The following ANKRD45 variants were observed in gnomAD, a reference collection of about 807,000 sequenced individuals.
ANKRD45 encodes the protein ankyrin repeat domain 45, also known as ankyrin repeat domain-containing protein 45.
Under a neutral mutation model 28.1 loss-of-function variants are expected in ANKRD45, and 21 were observed. The observed-to-expected ratio is 0.75, with a 90% CI of 0.53 to 1.08. The LOEUF (loss-of-function observed/expected upper bound fraction) is 1.08, where lower values mean the gene tolerates loss of function less well. Ranked by LOEUF, ANKRD45 falls within the 50% of genes least tolerant of loss-of-function variation. The pLI, the probability that ANKRD45 is intolerant of heterozygous loss-of-function variation, is 0.00. For synonymous variants in ANKRD45, 86 were observed against 103.9 expected, an observed-to-expected ratio of 0.83 and a Z score of 1.05; for missense variants, 261 against 308.7, an observed-to-expected ratio of 0.85 and a Z score of 1.16.
At chr1:173,691,744 G>A in the ANKRD45 span, among the ~76,000 whole-genome samples, 594 of 152,260 alleles carry the variant, frequency 3.9e-3, 5 homozygotes, top group African/African-American at 0.013. Context: ...CTGAGATCAC[G>A]CCACTGCACT....
intron 2 of ANKRD45, among the ~76,000 whole-genome samples, chr1:173,655,505 C>A (rs1415409633): frequency 6.6e-6 from 1 of 152,158 alleles, no homozygotes; most frequent in Non-Finnish European, 1.5e-5. Flanking sequence ...CAGAGGGGCA[C>A]CCACCTGTAT....
chr1:173,629,904 TA>T (rs1668111783), intron 3 of ANKRD45, among the ~76,000 whole-genome samples: 1 of 152,240 alleles, frequency 6.6e-6, no homozygotes, highest in Admixed American at 6.5e-5. Context: ...ATAAAGATCC[TA>T]AAAGCAGCAA....
At chr1:173,705,016 G>A in the ANKRD45 span, among the ~76,000 whole-genome samples, 3 of 152,204 alleles carry the variant, frequency 2.0e-5, no homozygotes, top group African/African-American at 7.2e-5. Flanking sequence ...TCCCAGCATT[G>A]ACCAGTGATT....
intron 2 of ANKRD45, 105 bp downstream of exon 2, chr1:173,658,984 ATG>A: frequency 6.9e-7 from 1 of 1,441,822 alleles, no homozygotes; most frequent in Non-Finnish European, 9.2e-7. Flanking sequence ...ATACACATAT[ATG>A]TAAAGTATAA....
chr1:173,636,761 C>T, intron 3 of ANKRD45: 1 of 1,093,516 alleles, frequency 9.1e-7, no homozygotes, highest in Non-Finnish European at 1.3e-6. Context: ...ATATTATTAA[C>T]TATACTATAG....
chr1:173,675,708 C>T, the ANKRD45 span, among the ~76,000 whole-genome samples: 96 of 152,222 alleles, frequency 6.3e-4, no homozygotes, highest in African/African-American at 1.6e-3. Context: ...AATCTAACAA[C>T]GGGTGTACTA....
Position 173,669,824 on chromosome 1 carries a change from G to A in ANKRD45, c.-23C>T, listed in dbSNP as rs542380746. ...CAGGACCCCTAGACTCACCACACCC[G>A]GGCCCCGGCCTCCTCGGTTACCATA... On this transcript the variant is annotated 5_prime_UTR_variant, in exon 1 of 6. Coordinates refer to ENST00000333279, the MANE Select transcript of ANKRD45 (RefSeq NM_198493.3). 1 of 170,852 alleles carries A rather than the reference G, an allele frequency of 5.9e-6. No individual in the cohort carries two copies. The highest frequency in any genetic ancestry group is 1.4e-5 in the Non-Finnish European group (1 of 69,322). The allele number at this position is 170,852 out of a possible 1,614,324, so 10.6% of individuals were successfully genotyped here.
chr1:173,711,667 T>A, the ANKRD45 span, among the ~76,000 whole-genome samples: 1 of 152,218 alleles, frequency 6.6e-6, no homozygotes, highest in African/African-American at 2.4e-5. Flanking sequence ...ATAAAATCTA[T>A]TTCATGTGTA....
chr1:173,710,061 A>T, the ANKRD45 span, among the ~76,000 whole-genome samples: 1 of 152,186 alleles, frequency 6.6e-6, no homozygotes, highest in Non-Finnish European at 1.5e-5. Context: ...GTGGTGGCTT[A>T]TGTCTCTAAT....
intron 5 of ANKRD45, among the ~76,000 whole-genome samples, chr1:173,610,744 C>A (rs1436158558): frequency 6.6e-6 from 1 of 151,794 alleles, no homozygotes; most frequent in African/African-American, 2.4e-5. Context: ...ACTGTTTGAA[C>A]CCAGGAATTC....
At chr1:173,683,924 G>A in the ANKRD45 span, among the ~76,000 whole-genome samples, 4 of 152,120 alleles carry the variant, frequency 2.6e-5, no homozygotes, top group Non-Finnish European at 1.5e-5. Flanking sequence ...GGAGGGGAAG[G>A]GTTCTTATCC....
At chr1:173,693,224 T>C in the ANKRD45 span, among the ~76,000 whole-genome samples, 1 of 151,838 alleles carries the variant, frequency 6.6e-6, no homozygotes, top group Admixed American at 6.6e-5. Flanking sequence ...AGCTGGAACC[T>C]GAGAGGTTGC....
chr1:173,688,442 GCCTCTTCCTCTA>G, the ANKRD45 span, among the ~76,000 whole-genome samples: 2 of 79,042 alleles, frequency 2.5e-5, no homozygotes, highest in Admixed American at 1.7e-4. Flanking sequence ...CTCTCTCTCT[GCCTCTTCCTCTA>G]CCTCTTCCTC....
At position 173,646,969 on chromosome 1, in the gene ANKRD45, T is replaced by C. The variant is rs1423630028; in HGVS notation, c.373A>G (p.Thr125Ala). 1 of 1,614,114 alleles carries C rather than the reference T, an allele frequency of 6.2e-7. No individual in the cohort carries two copies. The highest frequency in any genetic ancestry group is 1.1e-5 in the South Asian group (1 of 91,074). ...TCCAGTTCTACCAGTGCTTTCAAAG[T>C]TTCCAAACGACCCCAGGCTGCAGCA... The part of the protein sequence containing the change: ...HCAAAWGRLE[T>A]LKALVELDVD... Residue 125 changes from threonine (T) to alanine (A), a missense_variant, in exon 3 of 6, where the codon ACT becomes GCT. By Grantham distance (58) the Thr-to-Ala change is moderately conservative (BLOSUM62 0). Coordinates refer to ENST00000333279, the MANE Select transcript of ANKRD45 (RefSeq NM_198493.3).
chr1:173,681,104 C>T, the ANKRD45 span, among the ~76,000 whole-genome samples: 6 of 151,616 alleles, frequency 4.0e-5, no homozygotes, highest in African/African-American at 1.5e-4. Flanking sequence ...ACATTCTGCA[C>T]GTGTACCCCA....
chr1:173,672,459 A>G (rs1670288564), upstream of ANKRD45, among the ~76,000 whole-genome samples: 1 of 152,226 alleles, frequency 6.6e-6, no homozygotes, highest in African/African-American at 2.4e-5. Flanking sequence ...AAAACTGTAC[A>G]TGATTCTGTT....
intron 1 of ANKRD45, among the ~76,000 whole-genome samples, chr1:173,662,620 A>G (rs1343980568): frequency 2.6e-5 from 4 of 152,200 alleles, no homozygotes; most frequent in African/African-American, 7.2e-5. Flanking sequence ...GCCTCATGTT[A>G]TAACTCCTGA....
chr1:173,629,315 A>G (rs550978346), intron 3 of ANKRD45, among the ~76,000 whole-genome samples: 1 of 152,360 alleles, frequency 6.6e-6, no homozygotes, highest in African/African-American at 2.4e-5. Context: ...GTAAGGCCCC[A>G]GTGATCAATC....
At chr1:173,658,254 G>T in intron 2 of ANKRD45, 1 of 195,120 alleles carries the variant, frequency 5.1e-6, no homozygotes, top group Non-Finnish European at 1.2e-5. Flanking sequence ...AACCTGGGAG[G>T]CGGAGGTTGC....
Sources: allele counts gnomAD v4.1 joint callset (sites outside exome capture counted in the v4.1 genomes callset), GRCh38; gene constraint gnomAD v4.1.1; transcripts MANE v1.5; gene names NCBI Gene and HGNC (gene_info 2026-07-23, HGNC 2026-07-21).